Variants in DAB1 observed in about 807,000 individuals in gnomAD.
DAB1 encodes the protein disabled homolog 1.
DAB1 carries 15 observed loss-of-function variants against 64.6 expected under a neutral mutation model. The observed-to-expected ratio is 0.23, with a 90% confidence interval of 0.16 to 0.36. DAB1 has a LOEUF of 0.36. Ranked by LOEUF, DAB1 falls within the 10% of genes least tolerant of loss-of-function variation. The pLI is 1.00. For missense variants in DAB1, 596 were observed against 706.7 expected (o/e 0.84, Z 1.78); for synonymous variants, 235 against 251.9 (o/e 0.93, Z 0.64).
chr1:57,174,729 G>A (rs155317), intron 2 of DAB1, among the ~76,000 whole-genome samples: 3,830 of 152,144 alleles, frequency 0.025, 159 homozygotes, highest in African/African-American at 0.088. Flanking sequence ...ATCTGATGCT[G>A]GCTCTACTCC....
At chr1:58,413,118 A>T (rs1644686577) in intron 3 of DAB1, among the ~76,000 whole-genome samples, 1 of 152,208 alleles carries the variant, frequency 6.6e-6, no homozygotes, top group African/African-American at 2.4e-5. Context: ...AGGTGAGTTA[A>T]GGAACAGTCT....
chr1:58,057,551 AG>A (rs939065637), intron 5 of DAB1, among the ~76,000 whole-genome samples: 2 of 152,190 alleles, frequency 1.3e-5, no homozygotes, highest in Non-Finnish European at 2.9e-5. Flanking sequence ...ATGTAAAGAC[AG>A]GGGCAGAAAC....
chr1:58,474,901 T>C (rs1321139992), intron 3 of DAB1, among the ~76,000 whole-genome samples: 1 of 152,126 alleles, frequency 6.6e-6, no homozygotes, highest in African/African-American at 2.4e-5. Flanking sequence ...ATCTGTAAAT[T>C]AGGAGAATAA....
intron 6 of DAB1, among the ~76,000 whole-genome samples, chr1:57,798,908 T>A (rs1400907569): frequency 6.6e-6 from 1 of 152,182 alleles, no homozygotes; most frequent in East Asian, 1.9e-4. Context: ...TTCATGCACA[T>A]AATGGAAAGT....
downstream of DAB1, among the ~76,000 whole-genome samples, chr1:57,821,653 T>C (rs537691546): frequency 6.6e-6 from 1 of 152,344 alleles, no homozygotes; most frequent in East Asian, 1.9e-4. Context: ...GAGGAAGCCT[T>C]TCCTCACTTG....
intron 5 of DAB1, among the ~76,000 whole-genome samples, chr1:57,991,707 G>A (rs1302345836): frequency 6.6e-6 from 1 of 151,970 alleles, no homozygotes; most frequent in Non-Finnish European, 1.5e-5. Flanking sequence ...TTAGCTGGGT[G>A]TGGTAGCAGG....
intron 6 of DAB1, among the ~76,000 whole-genome samples, chr1:57,702,975 T>G (rs1438446520): frequency 7.9e-5 from 12 of 152,180 alleles, no homozygotes; most frequent in Non-Finnish European, 1.8e-4. Context: ...CTGGAATAAC[T>G]GGTTAGCTAT....
intron 7 of DAB1, among the ~76,000 whole-genome samples, chr1:57,458,246 T>C (rs950839340): frequency 1.3e-5 from 2 of 152,146 alleles, no homozygotes; most frequent in African/African-American, 4.8e-5. Context: ...TTCTAAAACA[T>C]TTCTATAGTA....
chr1:57,259,107 G>C (rs1017541771), intron 2 of DAB1, among the ~76,000 whole-genome samples: 4 of 152,196 alleles, frequency 2.6e-5, no homozygotes, highest in Admixed American at 2.0e-4. Context: ...CTTAGCTGTT[G>C]TGAAATATAA....
At chr1:58,469,554 G>C (rs1173226092) in intron 3 of DAB1, among the ~76,000 whole-genome samples, 4 of 152,218 alleles carry the variant, frequency 2.6e-5, no homozygotes, top group African/African-American at 7.2e-5. Flanking sequence ...ATAGCAATCA[G>C]GGTGAATCAG....
At chr1:58,152,994 G>C (rs1655025628) in intron 4 of DAB1, among the ~76,000 whole-genome samples, 1 of 152,118 alleles carries the variant, frequency 6.6e-6, no homozygotes. Context: ...TTGCTTCTGA[G>C]TACTCTTCTA....
chr1:57,290,984 T>C lies in DAB1; in HGVS notation c.47A>G (p.Lys16Arg). ...CCTACCTTTCTTTCTGGAGTCTTTC[T>C]TGGCGCTGGTTTTCACAGCTACTTG... is the stretch of plus-strand genomic sequence containing the variant. ...ELQVAVKTSA[K>R]KDSRKKGQDR... is the part of the protein sequence containing the mutation. Residue 16 changes from lysine to arginine, a missense_variant, in exon 2 of 15, where the codon AAG becomes AGG. Around this residue, in one of 3 missense-constraint regions of DAB1, gnomAD observed 43 missense variants for 39.6 expected, o/e 1.09. Coordinates refer to ENST00000371236, the MANE Select transcript of DAB1 (RefSeq NM_001365792.1). 6.2e-7 allele frequency: 1 copy of C among 1,611,542 alleles called. No homozygotes were observed.
chr1:57,720,255 A>G (rs1016498413), intron 6 of DAB1, among the ~76,000 whole-genome samples: 2 of 152,206 alleles, frequency 1.3e-5, no homozygotes, highest in African/African-American at 4.8e-5. Flanking sequence ...CTCCATCCAT[A>G]ATCCCATTCC....
chr1:57,495,021 G>A (rs912283668), intron 7 of DAB1, among the ~76,000 whole-genome samples: 1 of 152,172 alleles, frequency 6.6e-6, no homozygotes, highest in Non-Finnish European at 1.5e-5. Flanking sequence ...GGAACACTGA[G>A]CTGAATTTAG....
chr1:57,242,467 T>C (rs1668565239), intron 2 of DAB1, among the ~76,000 whole-genome samples: 1 of 152,144 alleles, frequency 6.6e-6, no homozygotes, highest in Admixed American at 6.5e-5. Context: ...AAGGAGGTGA[T>C]CATAACACGT....
intron 4 of DAB1, among the ~76,000 whole-genome samples, chr1:57,076,714 G>A (rs770798491): frequency 6.6e-6 from 1 of 152,186 alleles, no homozygotes. Flanking sequence ...ACCTATGACG[G>A]AAGGCATAGC....
At chr1:57,138,812 A>G (rs936818917) in intron 3 of DAB1, among the ~76,000 whole-genome samples, 5 of 152,100 alleles carry the variant, frequency 3.3e-5, no homozygotes, top group Non-Finnish European at 5.9e-5. Context: ...TCCTGCTTCA[A>G]TTTCCTCCTG....
chr1:57,278,604 T>C (rs961341611), intron 2 of DAB1, among the ~76,000 whole-genome samples: 3 of 152,170 alleles, frequency 2.0e-5, no homozygotes, highest in Admixed American at 6.5e-5. Flanking sequence ...AGGAGCTCTA[T>C]GGCAGTGCTA....
chr1:57,440,027 T>C (rs1685881096), intron 7 of DAB1, among the ~76,000 whole-genome samples: 1 of 152,198 alleles, frequency 6.6e-6, no homozygotes, highest in African/African-American at 2.4e-5. Context: ...GATTTCTTCC[T>C]GACTTCACCT....
Sources: gnomAD v4.1 joint callset for allele counts (sites outside exome capture counted in the v4.1 genomes callset) on GRCh38, gnomAD v4.1.1 for gene constraint, gnomAD v4.1.1 regional missense constraint, MANE v1.5 for transcripts, NCBI Gene and HGNC (gene_info 2026-07-23, HGNC 2026-07-21) for gene names.